AREL1: variants seen among roughly 807,000 people sequenced by gnomAD.
AREL1 encodes the protein apoptosis-resistant E3 ubiquitin protein ligase 1.
Under a neutral mutation model 99.0 loss-of-function variants are expected in AREL1, and 62 were observed. The ratio of observed to expected loss-of-function variants is 0.63; its 90% confidence interval spans 0.51 to 0.77. The LOEUF (loss-of-function observed/expected upper bound fraction) is 0.77, where lower values mean the gene tolerates loss of function less well. AREL1 is among the 30% of genes least tolerant of loss of function. The pLI is 0.00. For missense variants in AREL1, 879 were observed against 1,027.6 expected (o/e 0.86, Z 1.98); for synonymous variants, 380 against 376.5 (o/e 1.01, Z -0.11).
rs936658161 is a variant in AREL1 at position 74,661,617 on chromosome 14, AC to A, written c.*2102del. 13 of 191,806 alleles carry A rather than the reference AC, an allele frequency of 6.8e-5. No individual in the cohort carries two copies. Among genetic ancestry groups the A allele is most frequent in the Non-Finnish European group, 2.2e-5 (2 of 91,570 alleles). 11.9% of individuals were successfully genotyped at this position (191,806 alleles called of 1,614,324 possible). A position where few individuals can be genotyped will look rare whatever the true frequency, so the allele number is the denominator to read the frequency against. ...GAAAGCAGGATTAGAAAAAAAAAAA[AC>A]AAAACAGTAAAAGAAAAGGCCCAAG... is the stretch of plus-strand genomic sequence containing the variant. On this transcript the variant is annotated 3_prime_UTR_variant, in exon 20 of 20. Transcript: ENST00000356357.
At chr14:74,693,666 A>C (rs572811411) in intron 1 of AREL1, among the ~76,000 whole-genome samples, 51 of 152,356 alleles carry the variant, frequency 3.3e-4, no homozygotes, top group Admixed American at 2.3e-3. Context: ...TACTTTTCCA[A>C]GAAAACACAC....
At chr14:74,691,485 C>T (rs2089879282) in intron 2 of AREL1, among the ~76,000 whole-genome samples, 1 of 152,162 alleles carries the variant, frequency 6.6e-6, no homozygotes, top group African/African-American at 2.4e-5. Context: ...TGAGAAAACA[C>T]TATCCAATCT....
At chr14:74,711,825 G>A (rs1178156523) in intron 1 of AREL1, 1 of 151,954 alleles carries the variant, frequency 6.6e-6, no homozygotes, top group African/African-American at 2.4e-5. Context: ...GGCAGAGCAA[G>A]GATTTTAACC....
rs943759401 is a variant in AREL1 at position 74,662,586 on chromosome 14, A to G, written c.*1134T>C. 1 of 398,466 alleles carries G rather than the reference A, an allele frequency of 2.5e-6. No individual in the cohort carries two copies. The highest frequency in any genetic ancestry group is 4.4e-6 in the Non-Finnish European group (1 of 226,080). The allele number at this position is 398,466 out of a possible 1,614,324, so 24.7% of individuals were successfully genotyped here. The stretch of plus-strand genomic sequence containing the variant: ...CCCTCCTTAGTTCTCCTTCCTGATA[A>G]CTGATGGAGCAAAGGGGAGTACAGG... On this transcript the variant is annotated 3_prime_UTR_variant, in exon 20 of 20. Coordinates refer to ENST00000356357, the MANE Select transcript of AREL1 (RefSeq NM_001039479.2).
intron 1 of AREL1, among the ~76,000 whole-genome samples, chr14:74,708,925 G>T (rs2090232070): frequency 6.6e-6 from 1 of 152,094 alleles, no homozygotes; most frequent in Non-Finnish European, 1.5e-5. Flanking sequence ...ACATCACTAT[G>T]GTGCTGTAAC....
rs560391293 is a variant in AREL1, at chr14:74,684,546, G to A, written c.151C>T (p.Arg51Trp). 9 of 1,614,034 alleles carry A rather than the reference G, an allele frequency of 5.6e-6. No individual in the cohort carries two copies. Among genetic ancestry groups the A allele is most frequent in the South Asian group, 2.2e-5 (2 of 91,076 alleles). ...GACCGGGGATCCAGGTAATTTCCCC[G>A]CACGTAGTCATAAATAGTCCGGTCC... The part of the protein sequence containing the change: ...RGDRTIYDYV[R>W]GNYLDPRSCK... Residue 51 changes from arginine to tryptophan, a missense_variant, in exon 4 of 20, where the codon CGG becomes TGG. Physicochemically the swap from Arg to Trp is moderately radical, Grantham distance 101 (BLOSUM62 -3). Transcript: ENST00000356357.
intron 1 of AREL1, among the ~76,000 whole-genome samples, chr14:74,700,886 A>C (rs1358947991): frequency 1.3e-5 from 2 of 152,232 alleles, no homozygotes; most frequent in African/African-American, 2.4e-5. Flanking sequence ...GAGAGAGAAA[A>C]AGGATCACAC....
At chr14:74,697,598 T>C (rs753638229) in intron 1 of AREL1, among the ~76,000 whole-genome samples, 1 of 152,222 alleles carries the variant, frequency 6.6e-6, no homozygotes, top group Admixed American at 6.5e-5. Context: ...ATTTCTGCTA[T>C]TGTGGTTTAG....
At chr14:74,698,547 C>A (rs1164178684) in intron 1 of AREL1, among the ~76,000 whole-genome samples, 1 of 152,146 alleles carries the variant, frequency 6.6e-6, no homozygotes, top group African/African-American at 2.4e-5. Context: ...AAGCTAAAGT[C>A]ACAAGGATAA....
chr14:74,666,201 T>TC (rs150960765), intron 17 of AREL1, among the ~76,000 whole-genome samples: 3,007 of 152,280 alleles, frequency 0.02, 85 homozygotes, highest in African/African-American at 0.068. Flanking sequence ...AATTACTTTT[T>TC]CCCCCATTTT....
chr14:74,684,778 C>T (rs2089713498), intron 3 of AREL1, 98 bp from the exon 4 acceptor site: 1 of 1,054,658 alleles, frequency 9.5e-7, no homozygotes, highest in Non-Finnish European at 1.4e-6. Flanking sequence ...TAAAGGAGGT[C>T]AGGATGAGAC....
chr14:74,713,030 A>G lies in AREL1; in HGVS notation c.-431T>C. 2.6e-6 allele frequency: 3 copies of G among 1,156,432 alleles called. No homozygotes were observed. Among genetic ancestry groups the G allele is most frequent in the Non-Finnish European group, 3.9e-6 (3 of 772,380 alleles). The allele number at this position is 1,156,432 out of a possible 1,614,324, so 71.6% of individuals were successfully genotyped here. On this transcript the variant is annotated 5_prime_UTR_variant, in exon 1 of 20. Coordinates refer to ENST00000356357, the MANE Select transcript of AREL1 (RefSeq NM_001039479.2). ...AGACGGGCTCCCCACTCTCCCACCA[A>G]CAGACCCCAGAGTTGGTCTCCACCC...
intron 1 of AREL1, among the ~76,000 whole-genome samples, chr14:74,706,483 T>TTAC (rs1272851389): frequency 2.0e-5 from 3 of 152,222 alleles, no homozygotes; most frequent in Non-Finnish European, 4.4e-5. Flanking sequence ...AATGAGCATT[T>TTAC]TGTAGTTAAG....
intron 1 of AREL1, among the ~76,000 whole-genome samples, chr14:74,700,636 C>T (rs751463684): frequency 1.3e-4 from 20 of 152,154 alleles, no homozygotes; most frequent in Middle Eastern, 3.4e-3. Flanking sequence ...AAAAATTAGC[C>T]GGGCATGGTG....
chr14:74,691,103 A>C (rs2089868743), intron 2 of AREL1: 1 of 152,446 alleles, frequency 6.6e-6, no homozygotes, highest in South Asian at 2.1e-4. Flanking sequence ...GGATCACTTG[A>C]GCTCAAGAGC....
Position 74,672,933 on chromosome 14 carries a change from C to T in AREL1, c.1320G>A (p.Gln440=). ...HKNIGGSETF[Q]DKVNFFQREL... Reference sequence around the variant, plus strand: ...CTCGCTGGAAAAAGTTCACCTTGTCCTGAAAGGTCTCAGAGCCTCCTGGGG... The same window carrying T: ...CTCGCTGGAAAAAGTTCACCTTGTCTTGAAAGGTCTCAGAGCCTCCTGGGG... Residue 440 remains glutamine, a synonymous_variant, in exon 11 of 20, where the codon CAG becomes CAA. Coordinates refer to ENST00000356357, the MANE Select transcript of AREL1 (RefSeq NM_001039479.2). 6.2e-7 allele frequency: 1 copy of T among 1,614,140 alleles called. No individual in the cohort carries two copies. Among genetic ancestry groups the T allele is most frequent in the Non-Finnish European group, 8.5e-7 (1 of 1,180,010 alleles).
At chr14:74,681,559 G>A (rs990256669) in intron 5 of AREL1, among the ~76,000 whole-genome samples, 21 of 152,100 alleles carry the variant, frequency 1.4e-4, no homozygotes, top group African/African-American at 3.4e-4. Flanking sequence ...CGGATCATGA[G>A]GTCAGGAGAT....
At chr14:74,695,365 C>G (rs893190609) in intron 1 of AREL1, among the ~76,000 whole-genome samples, 2 of 152,124 alleles carry the variant, frequency 1.3e-5, no homozygotes, top group Non-Finnish European at 2.9e-5. Context: ...CAGGAATGAG[C>G]CACCACACCC....
Position 74,669,660 on chromosome 14 carries a change from G to T in AREL1, c.1903C>A (p.Gln635Lys). 6.2e-7 allele frequency: 1 copy of T among 1,613,926 alleles called. No homozygotes were observed. Among genetic ancestry groups the T allele is most frequent in the South Asian group, 1.1e-5 (1 of 91,024 alleles). The change falls in exon 15 of 20, where the codon CAA (glutamine) becomes AAA (lysine). Residue 635 changes from glutamine (Q) to lysine (K), a missense_variant. Coordinates refer to ENST00000356357, the MANE Select transcript of AREL1 (RefSeq NM_001039479.2). The stretch of plus-strand genomic sequence containing the variant: ...GTCCTCTTTCTCACCTTATCCAATT[G>T]ACCTGATTTATTATATTTCTCTTCT... The part of the protein sequence containing the change: ...FAEEKYNKSG[Q>K]LDKVVELMTG...
Sources: gnomAD v4.1 joint callset for allele counts (sites outside exome capture counted in the v4.1 genomes callset) on GRCh38, gnomAD v4.1.1 for gene constraint, MANE v1.5 for transcripts, NCBI Gene and HGNC (gene_info 2026-07-23, HGNC 2026-07-21) for gene names.